Variants in CSMD3 observed in about 807,000 individuals in gnomAD.
The protein encoded by CSMD3 is CUB and sushi domain-containing protein 3.
CSMD3 carries 177 observed loss-of-function variants against 435.2 expected under a neutral mutation model. That is an observed-to-expected ratio of 0.41 (90% CI 0.36 to 0.46). The LOEUF is 0.46. Among genes scored for constraint, CSMD3 ranks in the 20% least tolerant of loss-of-function variants. CSMD3 has a pLI of 0.34. For missense variants in CSMD3, 4,265 were observed against 4,504.6 expected, an observed-to-expected ratio of 0.95 and a Z score of 1.52; for synonymous variants, 1,656 against 1,520.5, an observed-to-expected ratio of 1.09 and a Z score of -2.07.
At chr8:112,475,308 G>T (rs7820539) in intron 31 of CSMD3, among the ~76,000 whole-genome samples, 44,579 of 151,814 alleles carry the variant, frequency 0.29, 6,771 homozygotes, top group East Asian at 0.5. Context: ...CTGACATTTA[G>T]GACAGCTTTT....
At chr8:112,513,445 CAT>C (rs1478030463) in intron 28 of CSMD3, among the ~76,000 whole-genome samples, 1 of 152,138 alleles carries the variant, frequency 6.6e-6, no homozygotes, top group African/African-American at 2.4e-5. Context: ...ACTCAAAACA[CAT>C]ATTTATTGGT....
intron 1 of CSMD3, 111 bp downstream of exon 1, chr8:113,436,566 T>A: frequency 1.1e-6 from 1 of 942,926 alleles, no homozygotes; most frequent in Non-Finnish European, 1.7e-6. Flanking sequence ...TCCTTTAGTA[T>A]TATCAGATTA....
intron 4 of CSMD3, among the ~76,000 whole-genome samples, chr8:113,101,935 A>G (rs534544776): frequency 1.3e-5 from 2 of 152,242 alleles, no homozygotes; most frequent in African/African-American, 4.8e-5. Context: ...AAACAACAAC[A>G]TATTTTCTGT....
At chr8:112,424,143 T>G (rs1191019255) in intron 32 of CSMD3, among the ~76,000 whole-genome samples, 1 of 152,092 alleles carries the variant, frequency 6.6e-6, no homozygotes, top group East Asian at 1.9e-4. Context: ...GGAGCTAAAA[T>G]AGCATCACCT....
At chr8:112,430,389 T>C (rs1221588616) in intron 32 of CSMD3, among the ~76,000 whole-genome samples, 1 of 152,046 alleles carries the variant, frequency 6.6e-6, no homozygotes, top group Non-Finnish European at 1.5e-5. Context: ...AATTCACTCA[T>C]TTAGGTAATC....
chr8:112,477,129 C>T (rs1819132570), intron 31 of CSMD3, among the ~76,000 whole-genome samples: 2 of 152,126 alleles, frequency 1.3e-5, no homozygotes, highest in South Asian at 4.1e-4. Flanking sequence ...GAAATTATCT[C>T]AGAAAAAATT....
At chr8:113,028,043 T>C (rs1477222026) in intron 5 of CSMD3, among the ~76,000 whole-genome samples, 1 of 152,168 alleles carries the variant, frequency 6.6e-6, no homozygotes, top group Non-Finnish European at 1.5e-5. Flanking sequence ...GTTGTTGCTG[T>C]TGTTTTACAA....
At chr8:113,422,450 A>T (rs190074597) in intron 1 of CSMD3, among the ~76,000 whole-genome samples, 2 of 152,244 alleles carry the variant, frequency 1.3e-5, no homozygotes, top group Admixed American at 1.3e-4. Context: ...TTTGTATCTT[A>T]CAGTTATTTA....
rs368035990 is a variant in CSMD3 at position 112,323,673 on chromosome 8, A to G, written c.7166-3692T>C. Among the ~76,000 whole-genome samples, 24 of 152,176 alleles carry G rather than the reference A, an allele frequency of 1.6e-4. No homozygotes were observed. The East Asian group carries it at 4.4e-3, about 28-fold the overall frequency. On this transcript the variant is annotated intron_variant, in intron 45 of 70. Transcript: ENST00000297405. Reference sequence around the variant, plus strand: ...CCAGTTTGTGGTACTTTGTTTCAGCAGCCCTAGTAAACTAATACACCTGTG... The same window carrying G: ...CCAGTTTGTGGTACTTTGTTTCAGCGGCCCTAGTAAACTAATACACCTGTG...
At chr8:113,053,167 T>G (rs1403106426) in intron 5 of CSMD3, among the ~76,000 whole-genome samples, 1 of 151,916 alleles carries the variant, frequency 6.6e-6, no homozygotes, top group Non-Finnish European at 1.5e-5. Flanking sequence ...AAAAAAGAAA[T>G]AAAAAAAGAA....
intron 1 of CSMD3, among the ~76,000 whole-genome samples, chr8:113,400,483 T>C (rs2094504995): frequency 6.6e-6 from 1 of 152,014 alleles, no homozygotes; most frequent in South Asian, 2.1e-4. Context: ...ACTGCTATGA[T>C]ACTTTTAATA....
rs184375681 is a variant in CSMD3 at position 112,628,123 on chromosome 8, G to C, written c.3715+8694C>G. Reference sequence around the variant, plus strand: ...TTTCATTAAATAGGACATGTGTATTGGTCCCTCGCAATCTTGTGGATACTA... The same window carrying C: ...TTTCATTAAATAGGACATGTGTATTCGTCCCTCGCAATCTTGTGGATACTA... On this transcript the variant is annotated intron_variant, in intron 22 of 70. Coordinates refer to ENST00000297405, the MANE Select transcript of CSMD3 (RefSeq NM_198123.2). Among the ~76,000 whole-genome samples, 215 of 152,162 alleles carry C rather than the reference G, an allele frequency of 1.4e-3. 2 individuals are homozygous for C. The highest frequency in any genetic ancestry group is 4.9e-3 in the African/African-American group (203 of 41,532).
intron 4 of CSMD3, among the ~76,000 whole-genome samples, chr8:113,124,186 G>T (rs2091061478): frequency 6.6e-6 from 1 of 151,908 alleles, no homozygotes; most frequent in African/African-American, 2.4e-5. Flanking sequence ...AAGAATAATA[G>T]AAACAGTAAA....
chr8:112,477,013 C>T (rs1340307700), intron 31 of CSMD3, among the ~76,000 whole-genome samples: 1 of 152,178 alleles, frequency 6.6e-6, no homozygotes, highest in Non-Finnish European at 1.5e-5. Context: ...ATAGTAGGCT[C>T]TCCATAAATA....
rs1824594838 is a variant in CSMD3, at chr8:112,336,687, A to T, written c.6984T>A (p.Leu2328=). ...GNGIYINFTV[L]QTEPIYDFIT... is the part of the protein sequence containing the mutation. The stretch of plus-strand genomic sequence containing the variant: ...TGAAATCATATATTGGTTCTGTTTG[A>T]AGGACAGTAAAATTGATGTAGATGC... The change falls in exon 44 of 71, where the codon CTT becomes CTA. Residue 2328 remains leucine (L), a synonymous_variant. Transcript: ENST00000297405. 2 of 1,612,752 alleles carry T rather than the reference A, an allele frequency of 1.2e-6. No homozygotes were observed. Among genetic ancestry groups the T allele is most frequent in the Non-Finnish European group, 1.7e-6 (2 of 1,179,012 alleles).
At chr8:112,913,762 T>G (rs1303985407) in intron 10 of CSMD3, among the ~76,000 whole-genome samples, 1 of 151,834 alleles carries the variant, frequency 6.6e-6, no homozygotes, top group East Asian at 1.9e-4. Flanking sequence ...GTCTCTATCT[T>G]TAATGTCTTA....
intron 69 of CSMD3, 121 bp downstream of exon 69, chr8:112,231,424 G>C: frequency 1.3e-6 from 1 of 749,572 alleles, no homozygotes; most frequent in Non-Finnish European, 2.4e-6. Context: ...TCAATGCATA[G>C]TTCTGGCAGT....
chr8:112,643,624 C>T (rs1235536044), intron 20 of CSMD3: 1 of 167,472 alleles, frequency 6.0e-6, no homozygotes, highest in African/African-American at 2.4e-5. Flanking sequence ...TATCAGGGAG[C>T]TTATTTTAAA....
chr8:113,264,839 T>C (rs2093455635), intron 3 of CSMD3, among the ~76,000 whole-genome samples: 2 of 151,674 alleles, frequency 1.3e-5, no homozygotes, highest in Non-Finnish European at 1.5e-5. Flanking sequence ...AACACATTCA[T>C]TGGAGTTTTA....
Sources: allele counts gnomAD v4.1 joint callset (sites outside exome capture counted in the v4.1 genomes callset), GRCh38; gene constraint gnomAD v4.1.1; transcripts MANE v1.5; gene names NCBI Gene and HGNC (gene_info 2026-07-23, HGNC 2026-07-21).